Variants in WDTC1 observed in about 807,000 individuals in gnomAD.
The protein encoded by WDTC1 is WD and tetratricopeptide repeats 1.
In WDTC1, 12 loss-of-function variants were observed where a neutral mutation model predicts 76.0. The observed-to-expected ratio is 0.16, with a 90% CI of 0.10 to 0.26. WDTC1 has a LOEUF of 0.26. Ranked by LOEUF, WDTC1 falls within the 10% of genes least tolerant of loss-of-function variation. The pLI is 1.00. For synonymous variants in WDTC1, 326 were observed against 350.8 expected (o/e 0.93, Z 0.79); for missense variants, 511 against 908.8 (o/e 0.56, Z 5.63).
intron 1 of WDTC1, among the ~76,000 whole-genome samples, chr1:27,252,687 A>G (rs1458451352): frequency 6.6e-6 from 1 of 151,326 alleles, no homozygotes; most frequent in Non-Finnish European, 1.5e-5. Flanking sequence ...AATCCCAGCT[A>G]CTCCGGAGGC....
In WDTC1 at chr1:27,292,215, C is replaced by T. The variant is rs752767263; in HGVS notation, c.480C>T (p.Arg160=). 4 of 1,568,898 alleles carry T rather than the reference C, an allele frequency of 2.5e-6. No individual in the cohort carries two copies. The African/African-American group carries it at 5.5e-5, about 21-fold the overall frequency. ...TCCCTAACTCTGTCCTCTCTCACAG[C>T]CAGTATGACCTTCGAGAGAACAGCA... ...FWSAAEDGLI[R]QYDLRENSKH... is the part of the protein sequence containing the mutation. The change falls in exon 7 of 16, where the codon CGC becomes CGT. Residue 160 remains arginine, a splice_region_variant and synonymous_variant. Transcript: ENST00000319394.
chr1:27,283,771 T>A (rs2013258104), intron 5 of WDTC1, among the ~76,000 whole-genome samples: 2 of 152,192 alleles, frequency 1.3e-5, no homozygotes, highest in South Asian at 4.1e-4. Context: ...GGGCATTGTG[T>A]GACCTGGGCA....
chr1:27,253,364 C>CT (rs1442368687), intron 1 of WDTC1, among the ~76,000 whole-genome samples: 1 of 148,330 alleles, frequency 6.7e-6, no homozygotes, highest in South Asian at 2.2e-4. Context: ...CTTCTTTCTT[C>CT]TTCTTCTTCT....
chr1:27,251,022 A>G (rs1322724679), intron 1 of WDTC1, among the ~76,000 whole-genome samples: 1 of 103,948 alleles, frequency 9.6e-6, no homozygotes, highest in Non-Finnish European at 1.8e-5. Context: ...GTGCACCACT[A>G]CTCCTGGCTA....
intron 5 of WDTC1, among the ~76,000 whole-genome samples, chr1:27,284,347 A>G (rs751606587): frequency 3.6e-4 from 55 of 152,174 alleles, no homozygotes; most frequent in Non-Finnish European, 6.8e-4. Context: ...GAGATTCTAT[A>G]ATGGATAGAT....
intron 3 of WDTC1, among the ~76,000 whole-genome samples, chr1:27,273,498 G>A (rs988974173): frequency 2.0e-5 from 3 of 152,048 alleles, no homozygotes; most frequent in African/African-American, 4.8e-5. Flanking sequence ...GTGAGCCACC[G>A]TGCCCGGCCA....
chr1:27,262,453 A>T (rs1301014027), intron 2 of WDTC1, among the ~76,000 whole-genome samples: 1 of 151,430 alleles, frequency 6.6e-6, no homozygotes, highest in Non-Finnish European at 1.5e-5. Context: ...CAGTGGCATG[A>T]TCTTGGCTCA....
intron 1 of WDTC1, among the ~76,000 whole-genome samples, chr1:27,259,840 G>A (rs1325367838): frequency 1.3e-5 from 2 of 150,660 alleles, no homozygotes; most frequent in Non-Finnish European, 3.0e-5. Context: ...CAGCAAGATG[G>A]CGAGACTCCA....
In WDTC1 at chr1:27,305,181, C is replaced by T. The variant is rs141668588; in HGVS notation, c.1824C>T (p.Asn608=). ...TCGATCCTGTTGTGCGGCTCTGGAA[C>T]CCCCGACCAGAGGTGAGGGTGCAGA... The part of the protein sequence containing the change: ...SGIDPVVRLW[N]PRPESEDLTG... The change falls in exon 15 of 16, where the codon AAC becomes AAT. Residue 608 remains asparagine (N), a synonymous_variant. Transcript: ENST00000319394. This position sits in a 1 kb window ranked among gnomAD's most constrained non-coding sequence, Gnocchi z 4.6. The T allele has an allele frequency of 3.2e-4, 511 of 1,613,588 alleles. 1 individual carries two copies. The African/African-American group carries it at 5.0e-3, about 16-fold the overall frequency.
At chr1:27,287,899 C>A in intron 6 of WDTC1, 38 bp downstream of exon 6, 1 of 1,587,482 alleles carries the variant, frequency 6.3e-7, no homozygotes, top group East Asian at 2.3e-5. Flanking sequence ...CTGTCGCTCC[C>A]CCATCCCATC....
Position 27,307,847 on chromosome 1 carries a change from T to TA in WDTC1, c.*1464_*1465insA, listed in dbSNP as rs1316386214. 7.2e-6 allele frequency: 1 copy of TA among 138,466 alleles called. No homozygotes were observed. The highest frequency in any genetic ancestry group is 1.6e-5 in the Non-Finnish European group (1 of 64,286). 8.6% of individuals were successfully genotyped at this position (138,466 alleles called of 1,614,324 possible). On this transcript the variant is annotated 3_prime_UTR_variant, in exon 16 of 16. Transcript: ENST00000319394. This position sits in a 1 kb window ranked among gnomAD's most constrained non-coding sequence, Gnocchi z 4.1. ...CCCAGTCCCTCTTCCCACCCCTCTC[T>TA]TCTAGCTTGGTAATGAAGTATATTT...
At chr1:27,299,284 T>G (rs2013773735) in intron 12 of WDTC1, among the ~76,000 whole-genome samples, 1 of 152,138 alleles carries the variant, frequency 6.6e-6, no homozygotes, top group South Asian at 2.1e-4. Flanking sequence ...CAGAGGAGCC[T>G]CTCCAGACAG....
At chr1:27,263,274 G>A (rs752693566) in intron 3 of WDTC1, 39 bp downstream of exon 3, 3 of 1,595,122 alleles carry the variant, frequency 1.9e-6, no homozygotes, top group Non-Finnish European at 2.6e-6. Flanking sequence ...CAGATGGCCT[G>A]CTGTCCATTC....
Position 27,287,803 on chromosome 1 carries a change from G to C in WDTC1, c.421G>C (p.Ala141Pro). 1 of 1,613,998 alleles carries C rather than the reference G, an allele frequency of 6.2e-7. No homozygotes were observed. Among genetic ancestry groups the C allele is most frequent in the Non-Finnish European group, 8.5e-7 (1 of 1,179,948 alleles). Residue 141 changes from alanine (A) to proline (P), a missense_variant, in exon 6 of 16, where the codon GCC (alanine) becomes CCC (proline). By Grantham distance (27) the Ala-to-Pro change is conservative (BLOSUM62 -1). Transcript: ENST00000319394. ...CCACACAAACCGGGTGAAGCGCATC[G>C]CCACAGCGCCCATGTGGCCCAACAC... ...GDHTNRVKRIATAPMWPNTFW... is the reference protein window; with the variant it reads ...GDHTNRVKRIPTAPMWPNTFW...
At chr1:27,251,597 A>C (rs1354089391) in intron 1 of WDTC1, among the ~76,000 whole-genome samples, 2 of 152,026 alleles carry the variant, frequency 1.3e-5, no homozygotes, top group East Asian at 3.9e-4. Context: ...AAGCAGGAGG[A>C]TTGTTTGAAG....
At chr1:27,262,221 C>T (rs1263796133) in intron 2 of WDTC1, among the ~76,000 whole-genome samples, 2 of 151,864 alleles carry the variant, frequency 1.3e-5, no homozygotes, top group Non-Finnish European at 1.5e-5. Context: ...AGCCACCATG[C>T]CTGACCTAAA....
At chr1:27,265,610 C>T (rs1259446159) in intron 3 of WDTC1, among the ~76,000 whole-genome samples, 1 of 151,648 alleles carries the variant, frequency 6.6e-6, no homozygotes, top group Non-Finnish European at 1.5e-5. Context: ...GTGATTGTGC[C>T]ACTGCACTCC....
rs557860054 is a variant in WDTC1, at chr1:27,288,983, A to AC, written c.479+1132dup. Reference sequence around the variant, plus strand: ...GGGCGGCTGGCCGGGCGGGGGGCTGACCCCCCCCCCACCTCCCTCCCGGAC... The same window carrying AC: ...GGGCGGCTGGCCGGGCGGGGGGCTGACCCCCCCCCCCACCTCCCTCCCGGAC... On this transcript the variant is annotated intron_variant, in intron 6 of 15. Transcript: ENST00000319394. Among the ~76,000 whole-genome samples the AC allele has an allele frequency of 1.1e-3, 131 of 120,194 alleles. 1 individual carries two copies. The highest frequency in any genetic ancestry group is 5.0e-3 in the Middle Eastern group (1 of 200). The allele number at this position is 120,194 out of a possible 152,430, so 78.9% of individuals were successfully genotyped here.
intron 5 of WDTC1, among the ~76,000 whole-genome samples, chr1:27,285,478 T>C (rs1254429046): frequency 6.6e-6 from 1 of 152,176 alleles, no homozygotes; most frequent in African/African-American, 2.4e-5. Flanking sequence ...CTCAGCCTTG[T>C]TGTGGGTAGG....
Sources: allele counts gnomAD v4.1 joint callset (sites outside exome capture counted in the v4.1 genomes callset), GRCh38; gene constraint gnomAD v4.1.1; non-coding constraint Gnocchi (gnomAD v3.1); transcripts MANE v1.5; gene names NCBI Gene and HGNC (gene_info 2026-07-23, HGNC 2026-07-21).